The following CCDC171 variants were observed in gnomAD, a reference collection of about 807,000 sequenced individuals.
CCDC171 encodes coiled-coil domain containing 171, also known as coiled-coil domain-containing protein 171.
Under a neutral mutation model 168.2 loss-of-function variants are expected in CCDC171, and 177 were observed. That is an observed-to-expected ratio of 1.05 (90% confidence interval 0.93 to 1.19). The LOEUF is 1.19. Among genes scored for constraint, CCDC171 ranks in the 50% most tolerant of loss-of-function variants. The pLI, the probability that CCDC171 is intolerant of heterozygous loss-of-function variation, is 0.00. For synonymous variants in CCDC171, 687 were observed against 540.8 expected, an observed-to-expected ratio of 1.27 and a Z score of -3.75; for missense variants, 1,991 against 1,539.0, an observed-to-expected ratio of 1.29 and a Z score of -4.91.
rs1368047709 is a variant in CCDC171, at chr9:15,630,198, G to T, written c.822+6785G>T. 3.3e-5 allele frequency among the ~76,000 whole-genome samples: 5 copies of T among 152,140 alleles called. No homozygotes were observed. The East Asian group carries it at 9.6e-4, about 29-fold the overall frequency. ...AACAATATTAACTTTAAATGTAAAT[G>T]GGCTAAGTGCTCCAATTAAAAGACA... On this transcript the variant is annotated intron_variant, in intron 7 of 25. Coordinates refer to ENST00000380701, the MANE Select transcript of CCDC171 (RefSeq NM_173550.4).
Position 15,722,936 on chromosome 9 carries a change from G to C in CCDC171, c.1426-745G>C, listed in dbSNP as rs184209779. On this transcript the variant is annotated intron_variant, in intron 12 of 25. Coordinates refer to ENST00000380701, the MANE Select transcript of CCDC171 (RefSeq NM_173550.4). ...TGAGGCCTAGGTCTGGAAGCTGCAG[G>C]GTAACTAGGAACATATTACCCACAG... Among the ~76,000 whole-genome samples the C allele has an allele frequency of 2.8e-4, 42 of 152,214 alleles. No homozygotes were observed. The East Asian group carries it at 7.1e-3, about 26-fold the overall frequency.
chr9:15,846,808 A>G lies in CCDC171; in HGVS notation c.3374A>G (p.Asn1125Ser), dbSNP rs1338687516. The G allele has an allele frequency of 6.8e-6, 11 of 1,610,762 alleles. No homozygotes were observed. The highest frequency in any genetic ancestry group is 9.3e-6 in the Non-Finnish European group (11 of 1,178,326). ...CAGGACAAGCGTCGACTGGAGGAGA[A>G]CATCCATGATGCAGAGAGTGCCCTC... ...LEQDKRRLEE[N>S]IHDAESALRM... Residue 1125 changes from asparagine to serine, a missense_variant, in exon 22 of 26, where the codon AAC (asparagine) becomes AGC (serine). Transcript: ENST00000380701.
At chr9:15,806,173 T>G (rs1182693543) in intron 21 of CCDC171, among the ~76,000 whole-genome samples, 2 of 152,202 alleles carry the variant, frequency 1.3e-5, no homozygotes, top group Non-Finnish European at 2.9e-5. Flanking sequence ...CCGATGGGTC[T>G]TGGTTCTTTA....
chr9:16,010,647 T>A (rs997175836), intron 3 of CCDC171, among the ~76,000 whole-genome samples: 1 of 152,080 alleles, frequency 6.6e-6, no homozygotes, highest in Non-Finnish European at 1.5e-5. Flanking sequence ...GTTGAAACAT[T>A]ATTTCCTGAA....
At chr9:16,075,659 C>T in the CCDC171 span, among the ~76,000 whole-genome samples, 1 of 152,094 alleles carries the variant, frequency 6.6e-6, no homozygotes, top group African/African-American at 2.4e-5. Flanking sequence ...ACAATGATAG[C>T]CCATCACCCC....
downstream of CCDC171, among the ~76,000 whole-genome samples, chr9:16,066,268 T>A (rs1346244212): frequency 6.6e-6 from 1 of 152,132 alleles, no homozygotes; most frequent in East Asian, 1.9e-4. Flanking sequence ...TGCGTTGGGT[T>A]AAAAAGCATG....
the CCDC171 span, among the ~76,000 whole-genome samples, chr9:16,087,691 CTT>C: frequency 6.7e-6 from 1 of 149,828 alleles, no homozygotes; most frequent in Non-Finnish European, 1.5e-5. Context: ...GGTCTTGACT[CTT>C]TATCCAATTT....
At chr9:15,593,004 C>T (rs1241814940) in intron 5 of CCDC171, among the ~76,000 whole-genome samples, 1 of 151,900 alleles carries the variant, frequency 6.6e-6, no homozygotes, top group African/African-American at 2.4e-5. Context: ...GGTATATCTC[C>T]TAATGCTATC....
intron 3 of CCDC171, among the ~76,000 whole-genome samples, chr9:15,576,906 G>T (rs984668555): frequency 1.3e-5 from 2 of 152,198 alleles, no homozygotes; most frequent in African/African-American, 4.8e-5. Flanking sequence ...CTGCAAGGCA[G>T]CTGCTTCAGG....
At chr9:15,956,328 G>A (rs1829793778) in intron 25 of CCDC171, among the ~76,000 whole-genome samples, 1 of 152,060 alleles carries the variant, frequency 6.6e-6, no homozygotes, top group Non-Finnish European at 1.5e-5. Context: ...TCCCCATCTT[G>A]TGATTAGTTT....
the CCDC171 span, among the ~76,000 whole-genome samples, chr9:16,100,180 T>C: frequency 6.6e-6 from 1 of 152,022 alleles, no homozygotes; most frequent in Non-Finnish European, 1.5e-5. Flanking sequence ...CAGCCAAAAC[T>C]CAGCCCCATC....
At chr9:16,019,853 C>T (rs554051148) in intron 3 of CCDC171, among the ~76,000 whole-genome samples, 20 of 152,286 alleles carry the variant, frequency 1.3e-4, no homozygotes, top group Admixed American at 8.5e-4. Flanking sequence ...GTTGATGTCA[C>T]TGATTAGTGA....
At chr9:15,782,439 G>A (rs2057714405) in intron 20 of CCDC171, among the ~76,000 whole-genome samples, 1 of 152,162 alleles carries the variant, frequency 6.6e-6, no homozygotes, top group South Asian at 2.1e-4. Context: ...CAGTCTCTGG[G>A]ACGGATGGAT....
intron 3 of CCDC171, among the ~76,000 whole-genome samples, chr9:15,999,005 G>T (rs1025113649): frequency 6.6e-6 from 1 of 152,054 alleles, no homozygotes; most frequent in South Asian, 2.1e-4. Context: ...CAACATGAGT[G>T]CTAAATGTAA....
chr9:15,883,139 C>T (rs763088037), intron 24 of CCDC171: 3 of 396,702 alleles, frequency 7.6e-6, no homozygotes, highest in Non-Finnish European at 1.5e-5. Context: ...AGCAATCTTC[C>T]TGCCTCAGCC....
chr9:16,032,120 C>A (rs1012371769), intron 6 of CCDC171, among the ~76,000 whole-genome samples: 1 of 152,176 alleles, frequency 6.6e-6, no homozygotes, highest in Non-Finnish European at 1.5e-5. Context: ...CACCCAAGTC[C>A]AAACCTCATT....
At chr9:15,789,145 C>A (rs1252125443) in intron 21 of CCDC171, among the ~76,000 whole-genome samples, 1 of 152,044 alleles carries the variant, frequency 6.6e-6, no homozygotes, top group Non-Finnish European at 1.5e-5. Context: ...AATCCAAAAT[C>A]CAAAATGCTC....
At chr9:16,033,059 G>C (rs1348139642) in intron 6 of CCDC171, among the ~76,000 whole-genome samples, 1 of 152,170 alleles carries the variant, frequency 6.6e-6, no homozygotes, top group East Asian at 1.9e-4. Flanking sequence ...AGGGAGGAGA[G>C]GTTCCTGGAA....
Position 15,777,827 on chromosome 9 carries a change from G to T in CCDC171, c.2898+1G>T. 1.3e-6 allele frequency: 2 copies of T among 1,588,820 alleles called. No individual in the cohort carries two copies. The highest frequency in any genetic ancestry group is 8.6e-7 in the Non-Finnish European group (1 of 1,168,550). ...TTTGCGTGGCCATGTGCCCATTACG[G>T]TATGTATACACTTTCATTTAGTAGT... On this transcript the variant is annotated splice_donor_variant, in intron 19 of 25. Transcript: ENST00000380701. LOFTEE classifies it high-confidence loss of function.
Sources: allele counts gnomAD v4.1 joint callset (sites outside exome capture counted in the v4.1 genomes callset), GRCh38; gene constraint gnomAD v4.1.1; transcripts MANE v1.5; gene names NCBI Gene and HGNC (gene_info 2026-07-23, HGNC 2026-07-21).